SUPT5H: variants seen among roughly 807,000 people sequenced by gnomAD.
The protein encoded by SUPT5H is transcription elongation factor SPT5.
Under a neutral mutation model 142.5 loss-of-function variants are expected in SUPT5H, and 24 were observed. The observed-to-expected ratio is 0.17, with a 90% CI of 0.12 to 0.24. The LOEUF (loss-of-function observed/expected upper bound fraction) is 0.24. Among genes scored for constraint, SUPT5H ranks in the 10% least tolerant of loss-of-function variants. The pLI is 1.00. For synonymous variants in SUPT5H, 546 were observed against 553.0 expected (o/e 0.99, Z 0.18); for missense variants, 893 against 1,471.8 (o/e 0.61, Z 6.43).
Position 39,468,739 on chromosome 19 carries a change from C to T in SUPT5H, c.1038-17C>T, listed in dbSNP as rs1386892908. 1 of 1,607,602 alleles carries T rather than the reference C, an allele frequency of 6.2e-7. No homozygotes were observed. Among genetic ancestry groups the T allele is most frequent in the Non-Finnish European group, 8.5e-7 (1 of 1,174,230 alleles). Reference sequence around the variant, plus strand: ...TTGACTCTCCCTTCTAATCTTCTCTCCCCCATCAAATTCCAGGTCCCTGGG... The same window carrying T: ...TTGACTCTCCCTTCTAATCTTCTCTTCCCCATCAAATTCCAGGTCCCTGGG... On this transcript the variant is annotated splice_polypyrimidine_tract_variant and intron_variant, in intron 13 of 29. Coordinates refer to ENST00000432763, the MANE Select transcript of SUPT5H (RefSeq NM_001111020.3).
intron 9 of SUPT5H, 49 bp from the exon 10 acceptor site, chr19:39,459,843 C>G (rs769439799): frequency 3.1e-6 from 5 of 1,597,100 alleles, no homozygotes; most frequent in Non-Finnish European, 4.3e-6. Context: ...TTTCCTGTGT[C>G]CTTTCCTCCA....
Position 39,458,167 on chromosome 19 carries a change from C to A in SUPT5H, c.308-127C>A. On this transcript the variant is annotated intron_variant, in intron 4 of 29. Transcript: ENST00000432763. This position sits in a 1 kb window ranked among gnomAD's most constrained non-coding sequence, Gnocchi z 4.2. ...TTCAACCTTTCTGTGTCCCTCCCTTCCCCTCCCCCAACCCATTGGTTGATT... is the reference window on the plus strand; with the variant it reads ...TTCAACCTTTCTGTGTCCCTCCCTTACCCTCCCCCAACCCATTGGTTGATT... The A allele has an allele frequency of 1.4e-6, 2 of 1,448,688 alleles. No homozygotes were observed. Among genetic ancestry groups the A allele is most frequent in the Non-Finnish European group, 1.8e-6 (2 of 1,088,154 alleles). The allele number at this position is 1,448,688 out of a possible 1,614,324, so 89.7% of individuals were successfully genotyped here.
intron 13 of SUPT5H, chr19:39,467,398 A>C (rs957516058): frequency 2.6e-5 from 4 of 152,196 alleles, no homozygotes; most frequent in Non-Finnish European, 5.9e-5. Context: ...AAAAGAAAAC[A>C]ACCTCTGCTT....
rs1048668917 is a variant in SUPT5H, at chr19:39,474,909, G to T, written c.3024+191G>T. ...CCTGATTTAGCGGGGAATCAGGGAG[G>T]GCTGCCTGGGGAAGGAGAAATCTGA... On this transcript the variant is annotated intron_variant, in intron 28 of 29. Transcript: ENST00000432763. This position sits in a 1 kb window ranked among gnomAD's most constrained non-coding sequence, Gnocchi z 6.5. The T allele has an allele frequency of 1.2e-5, 8 of 642,196 alleles. No individual in the cohort carries two copies. Among genetic ancestry groups the T allele is most frequent in the Non-Finnish European group, 1.9e-5 (7 of 374,316 alleles). The allele number at this position is 642,196 out of a possible 1,614,324, so 39.8% of individuals were successfully genotyped here.
At position 39,473,622 on chromosome 19, in the gene SUPT5H, T is replaced by G; in HGVS notation, c.2492+101T>G. 7.6e-7 allele frequency: 1 copy of G among 1,308,408 alleles called. No individual in the cohort carries two copies. Among genetic ancestry groups the G allele is most frequent in the Non-Finnish European group, 1.0e-6 (1 of 957,060 alleles). 81.0% of individuals were successfully genotyped at this position (1,308,408 alleles called of 1,614,324 possible). ...AGGGGTTTGTGGGGCCCACCCAGCA[T>G]TCTCTGCTCCTAGCCTCAGGCTGGT... On this transcript the variant is annotated intron_variant, in intron 25 of 29. Coordinates refer to ENST00000432763, the MANE Select transcript of SUPT5H (RefSeq NM_001111020.3). This position sits in a 1 kb window ranked among gnomAD's most constrained non-coding sequence, Gnocchi z 5.8.
rs1313618813 is a variant in SUPT5H, at chr19:39,476,101, C to T, written c.3045C>T (p.Tyr1015=). 6.2e-7 allele frequency: 1 copy of T among 1,614,054 alleles called. No individual in the cohort carries two copies. The highest frequency in any genetic ancestry group is 1.1e-5 in the South Asian group (1 of 91,072). ...TCCAGGGGGGCATGTGCTCTGTGTA[C>T]CTGAAGGACAGTGAGAAGGTTGTCA... ...RSVTGGMCSV[Y]LKDSEKVVSI... Residue 1015 remains tyrosine, a synonymous_variant, in exon 29 of 30, where the codon TAC becomes TAT. Transcript: ENST00000432763.
intron 2 of SUPT5H, among the ~76,000 whole-genome samples, chr19:39,446,326 C>G (rs939721527): frequency 6.6e-6 from 1 of 151,636 alleles, no homozygotes; most frequent in Admixed American, 6.6e-5. Flanking sequence ...CACCAGTAAA[C>G]AAAAAGATTT....
intron 3 of SUPT5H, 40 bp from the exon 4 acceptor site, chr19:39,457,635 G>A (rs1316294047): frequency 1.2e-6 from 2 of 1,606,444 alleles, no homozygotes; most frequent in Non-Finnish European, 1.7e-6. Context: ...GCTGTTATGA[G>A]GTCACCTTTG....
Position 39,474,807 on chromosome 19 carries a change from G to A in SUPT5H, c.3024+89G>A, listed in dbSNP as rs886524807. The stretch of plus-strand genomic sequence containing the variant: ...ACAGACCTGTCCCCAGATGGTGACA[G>A]CCCAGAGTGGGCAGAGCTGGGATTG... On this transcript the variant is annotated intron_variant, in intron 28 of 29. Coordinates refer to ENST00000432763, the MANE Select transcript of SUPT5H (RefSeq NM_001111020.3). This position sits in a 1 kb window ranked among gnomAD's most constrained non-coding sequence, Gnocchi z 6.5. The A allele has an allele frequency of 4.0e-5, 57 of 1,416,892 alleles. No homozygotes were observed. The highest frequency in any genetic ancestry group is 1.4e-5 in the African/African-American group (1 of 70,654). 87.8% of individuals were successfully genotyped at this position (1,416,892 alleles called of 1,614,324 possible). A position where few individuals can be genotyped will look rare whatever the true frequency, so the allele number is the denominator to read the frequency against.
rs372683133 is a variant in SUPT5H, at chr19:39,466,582, A to C, written c.966+13A>C. On this transcript the variant is annotated intron_variant, in intron 12 of 29. Transcript: ENST00000432763. The surrounding 1 kb of genome is among the most constrained non-coding windows in gnomAD (Gnocchi z 4.3). ...CCGCATGAGCTTGGTACTCAGGGGA[A>C]TCTGTGGCCTGGGGGGGAGGGAGTG... The C allele has an allele frequency of 1.9e-6, 3 of 1,610,716 alleles. No homozygotes were observed. Among genetic ancestry groups the C allele is most frequent in the Non-Finnish European group, 2.5e-6 (3 of 1,178,346 alleles).
intron 2 of SUPT5H, among the ~76,000 whole-genome samples, chr19:39,448,562 C>T (rs1292815276): frequency 6.6e-6 from 1 of 151,906 alleles, no homozygotes; most frequent in African/African-American, 2.4e-5. Flanking sequence ...ATACTTGACC[C>T]CCCACCCCCG....
intron 10 of SUPT5H, 45 bp downstream of exon 10, chr19:39,460,005 C>A: frequency 6.3e-7 from 1 of 1,595,254 alleles, no homozygotes. Flanking sequence ...CATGGCAACA[C>A]CCAGAGGGAA....
Position 39,469,058 on chromosome 19 carries a change from C to G in SUPT5H, c.1144-21C>G. ...GACCTCGGTCCATTTCCTTCTCTTCCCCTCACCGCTGGGGGCTTAGATCAC... is the reference window on the plus strand; with the variant it reads ...GACCTCGGTCCATTTCCTTCTCTTCGCCTCACCGCTGGGGGCTTAGATCAC... On this transcript the variant is annotated intron_variant, in intron 14 of 29. Transcript: ENST00000432763. This position sits in a 1 kb window ranked among gnomAD's most constrained non-coding sequence, Gnocchi z 5.1. The G allele has an allele frequency of 1.9e-6, 3 of 1,613,746 alleles. No individual in the cohort carries two copies. The highest frequency in any genetic ancestry group is 2.5e-6 in the Non-Finnish European group (3 of 1,179,896).
At position 39,453,412 on chromosome 19, in the gene SUPT5H, C is replaced by G. The variant is rs1568419723; in HGVS notation, c.132C>G (p.Asp44Glu). 2 of 1,590,928 alleles carry G rather than the reference C, an allele frequency of 1.3e-6. No homozygotes were observed. ...GTGAGAAAGAAGAAGAGCCTGAGGA[C>G]GAAGAGGAGGAGGAAGAGGAGGAGG... is the stretch of plus-strand genomic sequence containing the variant. ...AGSEKEEEPE[D>E]EEEEEEEEEY... The change falls in exon 3 of 30, where the codon GAC becomes GAG. Residue 44 changes from aspartate (D) to glutamate (E), a missense_variant. Transcript: ENST00000432763.
intron 11 of SUPT5H, among the ~76,000 whole-genome samples, chr19:39,465,522 AG>A (rs1447535872): frequency 1.3e-5 from 2 of 152,252 alleles, no homozygotes; most frequent in Admixed American, 6.5e-5. Context: ...TTCTCAAGCC[AG>A]GGTGATGTTT....
intron 3 of SUPT5H, 114 bp from the exon 4 acceptor site, chr19:39,457,561 C>A: frequency 6.5e-7 from 1 of 1,534,556 alleles, no homozygotes; most frequent in South Asian, 1.2e-5. Context: ...GCCTCAGTGT[C>A]CTGCTCTGTG....
At position 39,458,060 on chromosome 19, in the gene SUPT5H, T is replaced by G; in HGVS notation, c.308-234T>G. On this transcript the variant is annotated intron_variant, in intron 4 of 29. Transcript: ENST00000432763. The surrounding 1 kb of genome is among the most constrained non-coding windows in gnomAD (Gnocchi z 4.2). The stretch of plus-strand genomic sequence containing the variant: ...CCACTTCCTGGGCCAGTGCCCCCCT[T>G]TCCCCGTTATTTTCCGTTCTGTGCG... 1.3e-6 allele frequency: 1 copy of G among 763,608 alleles called. No homozygotes were observed. The highest frequency in any genetic ancestry group is 2.1e-6 in the Non-Finnish European group (1 of 481,638). 47.3% of individuals were successfully genotyped at this position (763,608 alleles called of 1,614,324 possible). A position where few individuals can be genotyped will look rare whatever the true frequency, so the allele number is the denominator to read the frequency against.
At chr19:39,468,920 A>G in intron 14 of SUPT5H, 59 bp downstream of exon 14, 1 of 1,572,726 alleles carries the variant, frequency 6.4e-7, no homozygotes, top group Non-Finnish European at 8.7e-7. Context: ...CCTGCAGGTG[A>G]TGCCCTGGGC....
downstream of SUPT5H, chr19:39,476,670 AGTGCGT>A (rs1177517520): frequency 8.7e-6 from 3 of 342,946 alleles, no homozygotes; most frequent in South Asian, 6.4e-5. Context: ...TTGGTCTAAA[AGTGCGT>A]GTGTGTGTGT....
Sources: allele counts gnomAD v4.1 joint callset (sites outside exome capture counted in the v4.1 genomes callset), GRCh38; gene constraint gnomAD v4.1.1; non-coding constraint Gnocchi (gnomAD v3.1); transcripts MANE v1.5; gene names NCBI Gene and HGNC (gene_info 2026-07-23, HGNC 2026-07-21).